Variants in MAGI2 observed in about 807,000 individuals in gnomAD.
MAGI2 encodes membrane-associated guanylate kinase, WW and PDZ domain-containing protein 2.
Under a neutral mutation model 133.3 loss-of-function variants are expected in MAGI2, and 35 were observed. The observed-to-expected ratio is 0.26, with a 90% CI of 0.20 to 0.35. MAGI2 has a LOEUF of 0.35. Among genes scored for constraint, MAGI2 ranks in the 10% least tolerant of loss-of-function variants. The pLI, the probability that MAGI2 is intolerant of heterozygous loss-of-function variation, is 1.00. For synonymous variants in MAGI2, 729 were observed against 710.6 expected (o/e 1.03, Z -0.41); for missense variants, 1,636 against 1,863.4 (o/e 0.88, Z 2.25).
chr7:79,147,199 T>C (rs576516629), intron 1 of MAGI2, among the ~76,000 whole-genome samples: 3 of 152,208 alleles, frequency 2.0e-5, no homozygotes, highest in Non-Finnish European at 4.4e-5. Flanking sequence ...CCAGACAATG[T>C]GCAGCCCATA....
At chr7:78,945,583 T>G (rs1162642586) in intron 2 of MAGI2, among the ~76,000 whole-genome samples, 2 of 152,162 alleles carry the variant, frequency 1.3e-5, no homozygotes, top group Non-Finnish European at 2.9e-5. Context: ...TACAATAGAT[T>G]CCTTGACATT....
At chr7:78,378,389 A>G (rs1379876623) in intron 6 of MAGI2, among the ~76,000 whole-genome samples, 1 of 152,132 alleles carries the variant, frequency 6.6e-6, no homozygotes, top group Non-Finnish European at 1.5e-5. Context: ...ATATCTATAT[A>G]TTGAAAAGTG....
chr7:78,203,212 G>A (rs942404146), intron 10 of MAGI2, among the ~76,000 whole-genome samples: 3 of 152,134 alleles, frequency 2.0e-5, no homozygotes, highest in African/African-American at 7.2e-5. Context: ...TGCCCAAACA[G>A]ACTTTGAGTA....
intron 21 of MAGI2, 49 bp downstream of exon 21, chr7:78,078,898 T>C (rs1410503906): frequency 1.9e-6 from 3 of 1,611,304 alleles, no homozygotes; most frequent in East Asian, 2.2e-5. Flanking sequence ...TAAGCATTTA[T>C]GGTTCACAGA....
intron 6 of MAGI2, among the ~76,000 whole-genome samples, chr7:78,427,881 G>A (rs771920363): frequency 6.6e-6 from 1 of 152,036 alleles, no homozygotes; most frequent in Non-Finnish European, 1.5e-5. Context: ...CAAGACTCCT[G>A]AAAAAGAATT....
intron 1 of MAGI2, among the ~76,000 whole-genome samples, chr7:79,389,875 G>A (rs916838749): frequency 3.3e-5 from 5 of 152,100 alleles, no homozygotes; most frequent in African/African-American, 1.2e-4. Flanking sequence ...GCTTAGAGAA[G>A]TTGACAAGGG....
chr7:78,511,550 A>T (rs57972552), intron 4 of MAGI2, among the ~76,000 whole-genome samples: 23,528 of 103,204 alleles, frequency 0.23, 1,690 homozygotes, highest in South Asian at 0.39. Flanking sequence ...TATATATATA[A>T]ATTTTTTTTT....
chr7:78,677,696 TCTA>T (rs1230823666), intron 2 of MAGI2, among the ~76,000 whole-genome samples: 1 of 152,142 alleles, frequency 6.6e-6, no homozygotes, highest in African/African-American at 2.4e-5. Flanking sequence ...TGGGGATTCT[TCTA>T]CTAGAAAATT....
At chr7:79,442,964 A>G (rs984744268) in intron 1 of MAGI2, among the ~76,000 whole-genome samples, 1 of 151,984 alleles carries the variant, frequency 6.6e-6, no homozygotes, top group African/African-American at 2.4e-5. Context: ...GAAATTAGGT[A>G]TTGCAGATCA....
At chr7:79,326,753 T>C (rs956873699) in intron 1 of MAGI2, among the ~76,000 whole-genome samples, 11 of 152,152 alleles carry the variant, frequency 7.2e-5, no homozygotes, top group East Asian at 1.9e-4. Flanking sequence ...TCCTGACATC[T>C]TAGCACAACC....
intron 2 of MAGI2, among the ~76,000 whole-genome samples, chr7:78,837,340 C>T (rs935245402): frequency 2.0e-5 from 3 of 152,126 alleles, no homozygotes; most frequent in Admixed American, 6.6e-5. Context: ...TATATGCACT[C>T]AATATTTATG....
intron 6 of MAGI2, among the ~76,000 whole-genome samples, chr7:78,381,353 AG>A (rs541159863): frequency 0.012 from 1,776 of 152,086 alleles, 23 homozygotes; most frequent in Non-Finnish European, 0.015. Context: ...CTCAATTAAA[AG>A]AAAAGAAAAG....
At chr7:78,308,961 A>C (rs998167763) in intron 9 of MAGI2, among the ~76,000 whole-genome samples, 1 of 152,260 alleles carries the variant, frequency 6.6e-6, no homozygotes, top group Non-Finnish European at 1.5e-5. Context: ...AAGTTGTTTA[A>C]AATGATTATT....
chr7:79,398,066 C>T (rs958120937), intron 1 of MAGI2, among the ~76,000 whole-genome samples: 3 of 152,002 alleles, frequency 2.0e-5, no homozygotes, highest in Non-Finnish European at 4.4e-5. Flanking sequence ...TTTCCTTTAG[C>T]TTTTAAAATA....
chr7:79,084,440 T>C (rs535530046), intron 1 of MAGI2, among the ~76,000 whole-genome samples: 24 of 151,898 alleles, frequency 1.6e-4, no homozygotes, highest in Middle Eastern at 3.4e-3. Context: ...TTAATTGCCA[T>C]TGCATAGTTG....
Position 78,473,844 on chromosome 7 carries a change from A to G in MAGI2, c.1045+15917T>C, listed in dbSNP as rs560105248. 2.0e-5 allele frequency among the ~76,000 whole-genome samples: 3 copies of G among 152,176 alleles called. No individual in the cohort carries two copies. The South Asian group carries it at 6.2e-4, about 32-fold the overall frequency. ...AAGTCAGACACAGACCAAATGAAAA[A>G]GCCCAAAAGTGGGAGGGAATAAGCT... On this transcript the variant is annotated intron_variant, in intron 6 of 21. Transcript: ENST00000354212.
chr7:78,328,269 C>T (rs1788789187), intron 9 of MAGI2, among the ~76,000 whole-genome samples: 1 of 151,994 alleles, frequency 6.6e-6, no homozygotes, highest in Non-Finnish European at 1.5e-5. Flanking sequence ...GATGAAAACA[C>T]TGAAAACAAT....
intron 3 of MAGI2, among the ~76,000 whole-genome samples, chr7:78,555,224 A>AGATC (rs1799714327): frequency 9.9e-6 from 1 of 101,354 alleles, no homozygotes; most frequent in South Asian, 3.7e-4. Context: ...ATAGATAGAC[A>AGATC]GATAGATAGA....
At chr7:78,490,080 G>A (rs1041857757) in intron 5 of MAGI2, 2 of 466,524 alleles carry the variant, frequency 4.3e-6, no homozygotes, top group African/African-American at 2.0e-5. Context: ...CTAGAATGTT[G>A]CCAAGTTAAC....
Sources: gnomAD v4.1 joint callset for allele counts (sites outside exome capture counted in the v4.1 genomes callset) on GRCh38, gnomAD v4.1.1 for gene constraint, MANE v1.5 for transcripts, NCBI Gene and HGNC (gene_info 2026-07-23, HGNC 2026-07-21) for gene names.